The following PIWIL3 variants were observed in gnomAD, a reference collection of about 807,000 sequenced individuals.
PIWIL3 encodes the protein piwi like RNA-mediated gene silencing 3, also known as piwi-like protein 3.
A neutral mutation model predicts 109.7 loss-of-function variants in PIWIL3; 101 were observed. The observed-to-expected ratio is 0.92, with a 90% CI of 0.78 to 1.09. The LOEUF (loss-of-function observed/expected upper bound fraction) is 1.09. PIWIL3 is among the 50% of genes least tolerant of loss of function. PIWIL3 has a pLI of 0.00. For synonymous variants in PIWIL3, 373 were observed against 376.4 expected, an observed-to-expected ratio of 0.99 and a Z score of 0.10; for missense variants, 1,031 against 1,072.6, an observed-to-expected ratio of 0.96 and a Z score of 0.54.
At position 24,755,834 on chromosome 22, in the gene PIWIL3, G is replaced by A; in HGVS notation, c.642C>T (p.Leu214=). ...GTAGGCAATCTGGCGACGTGGGCGT[G>A]AGTTCTTTGGAAAACTCAACTGTAA... ...VKITVEFSKE[L]TPTSPDCLRY... is the part of the protein sequence containing the mutation. The change falls in exon 6 of 21, where the codon CTC becomes CTT. Residue 214 remains leucine, a synonymous_variant. Transcript: ENST00000616349. 6.2e-7 allele frequency: 1 copy of A among 1,613,860 alleles called. No individual in the cohort carries two copies. The highest frequency in any genetic ancestry group is 8.5e-7 in the Non-Finnish European group (1 of 1,179,892).
rs140691137 is a variant in PIWIL3, at chr22:24,754,065, T to A, written c.926A>T (p.Asn309Ile). 102 of 1,612,740 alleles carry A rather than the reference T, an allele frequency of 6.3e-5. No homozygotes were observed. The highest frequency in any genetic ancestry group is 8.4e-5 in the Non-Finnish European group (99 of 1,178,828). The change falls in exon 8 of 21, where the codon AAC becomes ATC. Residue 309 changes from asparagine (N) to isoleucine (I), a missense_variant. Coordinates refer to ENST00000616349, the MANE Select transcript of PIWIL3 (RefSeq NM_001255975.1). ...TTTATTAGTTACTTCCTCTCGGATGTTTCCTGTCTGGGCCTGGGCAGATGT... is the reference window on the plus strand; with the variant it reads ...TTTATTAGTTACTTCCTCTCGGATGATTCCTGTCTGGGCCTGGGCAGATGT... Reference protein sequence around the residue: ...KRTSAQAQTGNIREEVTNKLI... With the variant: ...KRTSAQAQTGIIREEVTNKLI...
intron 12 of PIWIL3, among the ~76,000 whole-genome samples, chr22:24,745,095 A>G (rs1045075541): frequency 6.6e-6 from 1 of 152,232 alleles, no homozygotes; most frequent in African/African-American, 2.4e-5. Flanking sequence ...AAACACATGG[A>G]AACTAAACAA....
In PIWIL3 at chr22:24,757,967, A is replaced by C. The variant is rs746296013; in HGVS notation, c.296T>G (p.Phe99Cys). ...CCTGGTGTTCACCACCAGGTCTTGA[A>C]AAACTCCACCAATCCTTCTCTCCTG... ...PLQERRIGGV[F>C]QDLVVNTRQD... is the part of the protein sequence containing the mutation. Residue 99 changes from phenylalanine to cysteine, a missense_variant, in exon 4 of 21, where the codon TTT becomes TGT. Transcript: ENST00000616349. The C allele has an allele frequency of 4.3e-6, 7 of 1,613,928 alleles. No homozygotes were observed. Among genetic ancestry groups the C allele is most frequent in the Admixed American group, 1.7e-5 (1 of 59,972 alleles).
intron 11 of PIWIL3, 108 bp from the exon 12 acceptor site, chr22:24,749,129 C>A: frequency 1.1e-6 from 1 of 934,132 alleles, no homozygotes; most frequent in Non-Finnish European, 1.6e-6. Context: ...CACTTGTCCG[C>A]AGCATTGAGA....
At chr22:24,765,853 T>TG (rs56356598) in intron 1 of PIWIL3, among the ~76,000 whole-genome samples, 7,001 of 150,388 alleles carry the variant, frequency 0.047, 232 homozygotes, top group African/African-American at 0.087. Context: ...GTGTAAAAAA[T>TG]GGGGAAAAAA....
intron 12 of PIWIL3, among the ~76,000 whole-genome samples, chr22:24,742,468 T>C (rs192457023): frequency 1.3e-5 from 2 of 151,980 alleles, no homozygotes; most frequent in African/African-American, 4.8e-5. Context: ...CAATAACAAA[T>C]CTGGAGGCAT....
chr22:24,773,696 A>G (rs537248666), intron 1 of PIWIL3, among the ~76,000 whole-genome samples: 1 of 147,750 alleles, frequency 6.8e-6, no homozygotes, highest in South Asian at 2.1e-4. Context: ...TGTACAAGAC[A>G]CTCTAGATTT....
intron 2 of PIWIL3, among the ~76,000 whole-genome samples, chr22:24,760,803 A>G (rs569071546): frequency 2.2e-4 from 33 of 146,870 alleles, no homozygotes; most frequent in Admixed American, 9.5e-4. Flanking sequence ...AAAAAAAAAA[A>G]GCTGTGACAG....
In PIWIL3 at chr22:24,723,248, G is replaced by C; in HGVS notation, c.2239C>G (p.Leu747Val). 1 of 1,610,070 alleles carries C rather than the reference G, an allele frequency of 6.2e-7. No homozygotes were observed. Among genetic ancestry groups the C allele is most frequent in the Non-Finnish European group, 8.5e-7 (1 of 1,177,650 alleles). ...CGTTTCTTCACCACAATGAAAGCTA[G>C]AGTGAAACTTAAAAAAATTAGGGTA... Reference protein sequence around the residue: ...LKTISPNNFTLAFIVVKKRIN... With the variant: ...LKTISPNNFTVAFIVVKKRIN... The change falls in exon 19 of 21, where the codon CTA becomes GTA. Residue 747 changes from leucine (L) to valine (V), a missense_variant. Leu to Val is a conservative substitution (Grantham distance 32, BLOSUM62 1). Transcript: ENST00000616349.
chr22:24,755,370 G>A (rs1204894740), intron 6 of PIWIL3, among the ~76,000 whole-genome samples: 2 of 152,296 alleles, frequency 1.3e-5, no homozygotes, highest in African/African-American at 2.4e-5. Context: ...TGATCCACCC[G>A]CCTCAGCCTC....
At chr22:24,732,650 C>A (rs1322129569) in intron 14 of PIWIL3, among the ~76,000 whole-genome samples, 1 of 151,994 alleles carries the variant, frequency 6.6e-6, no homozygotes, top group African/African-American at 2.4e-5. Context: ...AGTGAAACCC[C>A]GTCTCTACTA....
intron 18 of PIWIL3, among the ~76,000 whole-genome samples, chr22:24,724,527 C>T (rs1272476474): frequency 2.0e-5 from 3 of 151,752 alleles, no homozygotes; most frequent in South Asian, 2.1e-4. Flanking sequence ...CTCTGCCTCC[C>T]GGGTTCAAGT....
Position 24,719,812 on chromosome 22 carries a change from C to A in PIWIL3, c.2441G>T (p.Gly814Val). 1 of 1,611,814 alleles carries A rather than the reference C, an allele frequency of 6.2e-7. No individual in the cohort carries two copies. The highest frequency in any genetic ancestry group is 8.5e-7 in the Non-Finnish European group (1 of 1,177,938). Residue 814 changes from glycine to valine, a missense_variant, in exon 20 of 21, where the codon GGC becomes GTC. Gly to Val is a moderately radical substitution (Grantham distance 109). Transcript: ENST00000616349. ...THYNVIYDTI[G>V]LSPDTVQRLT... ...ACGCTGTACTGTATCTGGGCTCAAGCCAATCGTGTCATAGATGACGTTATA... is the reference window on the plus strand; with the variant it reads ...ACGCTGTACTGTATCTGGGCTCAAGACAATCGTGTCATAGATGACGTTATA...
intron 12 of PIWIL3, among the ~76,000 whole-genome samples, chr22:24,738,376 G>A (rs1213158058): frequency 6.6e-6 from 1 of 152,244 alleles, no homozygotes; most frequent in Non-Finnish European, 1.5e-5. Flanking sequence ...CCACTTGATT[G>A]CAGAGCCCTA....
chr22:24,723,394 G>T, intron 18 of PIWIL3, 139 bp from the exon 19 acceptor site: 2 of 845,304 alleles, frequency 2.4e-6, no homozygotes, highest in Non-Finnish European at 3.6e-6. Flanking sequence ...TAATTTTACT[G>T]TCTAAGCTCC....
intron 12 of PIWIL3, among the ~76,000 whole-genome samples, chr22:24,740,234 A>AAAAAAAAAAAAAAT (rs1923916259): frequency 1.3e-5 from 2 of 149,406 alleles, no homozygotes; most frequent in Non-Finnish European, 3.0e-5. Context: ...AAAAAAAAAA[A>AAAAAAAAAAAAAAT]TTTCTAAAAG....
intron 2 of PIWIL3, among the ~76,000 whole-genome samples, chr22:24,760,286 G>A (rs894629913): frequency 5.3e-5 from 8 of 152,166 alleles, no homozygotes; most frequent in Non-Finnish European, 8.8e-5. Flanking sequence ...GTGAGAAAGT[G>A]ACACAGAACC....
At chr22:24,720,200 G>A (rs922727295) in intron 19 of PIWIL3, among the ~76,000 whole-genome samples, 23 of 150,570 alleles carry the variant, frequency 1.5e-4, no homozygotes, top group African/African-American at 2.7e-4. Context: ...AATTCTATTC[G>A]GAGATTCTTG....
Position 24,756,477 on chromosome 22 carries a change from C to T in PIWIL3, c.570+14G>A. On this transcript the variant is annotated intron_variant, in intron 5 of 20. Transcript: ENST00000616349. ...AGAAAGAACACAGGAAAATGTGAAA[C>T]AACATTACTTAACCCGCTCTTTTAG... 6.2e-7 allele frequency: 1 copy of T among 1,602,098 alleles called. No homozygotes were observed. Among genetic ancestry groups the T allele is most frequent in the South Asian group, 1.1e-5 (1 of 90,564 alleles).
Sources: allele counts gnomAD v4.1 joint callset (sites outside exome capture counted in the v4.1 genomes callset), GRCh38; gene constraint gnomAD v4.1.1; transcripts MANE v1.5; gene names NCBI Gene and HGNC (gene_info 2026-07-23, HGNC 2026-07-21).